Variants in KCNJ16 observed in about 807,000 individuals in gnomAD.
KCNJ16 encodes the protein inward rectifier potassium channel 16.
In KCNJ16, 15 loss-of-function variants were observed where a neutral mutation model predicts 18.5. That is an observed-to-expected ratio of 0.81 (90% CI 0.54 to 1.25). The LOEUF is 1.25. KCNJ16 is among the 50% of genes most tolerant of loss of function. The pLI is 0.00. For missense variants in KCNJ16, 523 were observed against 525.7 expected (o/e 0.99, Z 0.05); for synonymous variants, 174 against 186.5 (o/e 0.93, Z 0.55).
chr17:70,125,220 G>A (rs1449198471), intron 2 of KCNJ16, among the ~76,000 whole-genome samples: 11 of 151,522 alleles, frequency 7.3e-5, no homozygotes, highest in Admixed American at 2.0e-4. Flanking sequence ...CAGTGAGCTC[G>A]GATCATGCCA....
In KCNJ16 at chr17:70,092,553, G is replaced by GAT. The variant is rs1567782556; in HGVS notation, c.-299-8103_-299-8102dup. On this transcript the variant is annotated intron_variant, in intron 1 of 3. Coordinates refer to ENST00000392671, the MANE Select transcript of KCNJ16 (RefSeq NM_170741.4). ...AGACAGATAGATATAGATAGATATAGATAGATGATAGATATAGATAGATAG... is the reference window on the plus strand; with the variant it reads ...AGACAGATAGATATAGATAGATATAGATATAGATGATAGATATAGATAGATAG... 3.3e-3 allele frequency among the ~76,000 whole-genome samples: 223 copies of GAT among 67,762 alleles called. 2 individuals are homozygous for GAT. Among genetic ancestry groups the GAT allele is most frequent in the African/African-American group, 6.4e-3 (136 of 21,374 alleles). 44.5% of individuals were successfully genotyped at this position (67,762 alleles called of 152,430 possible).
At chr17:70,117,466 T>C (rs2073456958) in intron 2 of KCNJ16, among the ~76,000 whole-genome samples, 2 of 152,024 alleles carry the variant, frequency 1.3e-5, no homozygotes, top group Admixed American at 6.6e-5. Flanking sequence ...AAAATAATAA[T>C]AATATAAAAT....
At chr17:70,118,678 G>A (rs904185637) in intron 2 of KCNJ16, among the ~76,000 whole-genome samples, 10 of 152,014 alleles carry the variant, frequency 6.6e-5, no homozygotes, top group African/African-American at 2.4e-4. Context: ...CAATCGTAAA[G>A]ACAGCACCAA....
intron 2 of KCNJ16, among the ~76,000 whole-genome samples, chr17:70,103,755 A>G (rs181740116): frequency 3.7e-4 from 56 of 152,196 alleles, no homozygotes; most frequent in African/African-American, 1.3e-3. Flanking sequence ...CCAGACTAAT[A>G]TATTGTCTCC....
chr17:70,087,874 T>C (rs886587799), intron 1 of KCNJ16, among the ~76,000 whole-genome samples: 1 of 151,882 alleles, frequency 6.6e-6, no homozygotes, highest in African/African-American at 2.4e-5. Flanking sequence ...ATCTGATCTT[T>C]AGTTTAGAAG....
At position 70,131,194 on chromosome 17, in the gene KCNJ16, C is replaced by CA. The variant is rs36047658; in HGVS notation, c.-94+234dup. Among the ~76,000 whole-genome samples the CA allele has an allele frequency of 0.18, 15,704 of 85,342 alleles. 1,047 individuals carry two copies. Among genetic ancestry groups the CA allele is most frequent in the East Asian group, 0.34 (1,209 of 3,542 alleles). 56.0% of individuals were successfully genotyped at this position (85,342 alleles called of 152,430 possible). On this transcript the variant is annotated intron_variant, in intron 3 of 3. Coordinates refer to ENST00000392671, the MANE Select transcript of KCNJ16 (RefSeq NM_170741.4). ...AGGGAAAGAGAAGAGCTGCCAGTGT[C>CA]AAAAAAAAAAAAAAAGAAAGAAAGA... is the stretch of plus-strand genomic sequence containing the variant.
chr17:70,126,238 G>A (rs1644208698), intron 2 of KCNJ16, among the ~76,000 whole-genome samples: 1 of 152,146 alleles, frequency 6.6e-6, no homozygotes, highest in South Asian at 2.1e-4. Context: ...CAGGACATCA[G>A]GACATTTCCT....
At chr17:70,120,523 A>G (rs1598165413) in intron 2 of KCNJ16, among the ~76,000 whole-genome samples, 1 of 152,338 alleles carries the variant, frequency 6.6e-6, no homozygotes, top group African/African-American at 2.4e-5. Context: ...CTGGACAGTA[A>G]GCATAGTGCC....
intron 1 of KCNJ16, among the ~76,000 whole-genome samples, chr17:70,082,259 T>C (rs1413359801): frequency 6.6e-6 from 1 of 152,126 alleles, no homozygotes; most frequent in Admixed American, 6.6e-5. Flanking sequence ...CCTAACAGAT[T>C]TGGGGAAATG....
chr17:70,118,738 G>C (rs941150195), intron 2 of KCNJ16, among the ~76,000 whole-genome samples: 1 of 152,064 alleles, frequency 6.6e-6, no homozygotes, highest in Non-Finnish European at 1.5e-5. Context: ...CCTCCCACCA[G>C]GTCCCCCTCC....
At chr17:70,121,986 C>T (rs776045796) in intron 2 of KCNJ16, among the ~76,000 whole-genome samples, 2 of 151,956 alleles carry the variant, frequency 1.3e-5, no homozygotes, top group South Asian at 2.1e-4. Context: ...AATAGACTGA[C>T]GTGTAGGAAG....
chr17:70,118,713 T>G (rs1415299598), intron 2 of KCNJ16, among the ~76,000 whole-genome samples: 3 of 151,860 alleles, frequency 2.0e-5, no homozygotes, highest in African/African-American at 7.3e-5. Context: ...GCCCCCATGA[T>G]GAAAACACAA....
chr17:70,122,329 C>T (rs1052549959), intron 2 of KCNJ16, among the ~76,000 whole-genome samples: 7 of 146,328 alleles, frequency 4.8e-5, no homozygotes, highest in East Asian at 2.1e-4. Context: ...CCCGCCACCA[C>T]GCCCAGCTAA....
At chr17:70,084,558 A>G (rs2071709705) in intron 1 of KCNJ16, among the ~76,000 whole-genome samples, 1 of 152,222 alleles carries the variant, frequency 6.6e-6, no homozygotes, top group African/African-American at 2.4e-5. Flanking sequence ...AAAGGAATCC[A>G]TTCATGGTAG....
chr17:70,098,277 A>T (rs1385131923), intron 1 of KCNJ16, among the ~76,000 whole-genome samples: 1 of 152,214 alleles, frequency 6.6e-6, no homozygotes, highest in East Asian at 1.9e-4. Context: ...TGCAGAATGG[A>T]TTCACTGGAG....
intron 2 of KCNJ16, among the ~76,000 whole-genome samples, chr17:70,113,074 G>C (rs1438735543): frequency 6.6e-6 from 1 of 152,140 alleles, no homozygotes; most frequent in East Asian, 1.9e-4. Flanking sequence ...CAGTTTTAAT[G>C]GGGCATTCTT....
chr17:70,129,897 CTTTCA>C (rs2073996845), intron 2 of KCNJ16, among the ~76,000 whole-genome samples: 1 of 145,182 alleles, frequency 6.9e-6, no homozygotes, highest in Non-Finnish European at 1.5e-5. Flanking sequence ...CAAATAAAAC[CTTTCA>C]TTTATTTATT....
At chr17:70,095,870 CTTTTTTTTTTTTT>C (rs147216245) in intron 1 of KCNJ16, among the ~76,000 whole-genome samples, 6 of 95,390 alleles carry the variant, frequency 6.3e-5, no homozygotes, top group African/African-American at 8.3e-5. Flanking sequence ...TTACTTAATC[CTTTTTTTTTTTTT>C]TTTTTTTTTT....
intron 1 of KCNJ16, among the ~76,000 whole-genome samples, chr17:70,090,375 T>C (rs915192594): frequency 5.3e-5 from 8 of 152,228 alleles, no homozygotes; most frequent in East Asian, 1.9e-4. Flanking sequence ...CTGGATAACA[T>C]TGCACACATT....
Sources: allele counts gnomAD v4.1 joint callset (sites outside exome capture counted in the v4.1 genomes callset), GRCh38; gene constraint gnomAD v4.1.1; transcripts MANE v1.5; gene names NCBI Gene and HGNC (gene_info 2026-07-23, HGNC 2026-07-21).